OPA3: variants seen among roughly 807,000 people sequenced by gnomAD.
The protein encoded by OPA3 is outer mitochondrial membrane lipid metabolism regulator OPA3.
In OPA3, 6 loss-of-function variants were observed where a neutral mutation model predicts 4.0. The ratio of observed to expected loss-of-function variants is 1.51; its 90% CI spans 0.83 to 2.99. The LOEUF is 2.99. OPA3 is among the 30% of genes most tolerant of loss of function. The pLI is 0.00. For synonymous variants in OPA3, 105 were observed against 117.1 expected (o/e 0.90, Z 0.67); for missense variants, 235 against 256.2 (o/e 0.92, Z 0.56).
chr19:45,552,974 C>A lies in OPA3; in HGVS notation c.*540G>T, dbSNP rs149360920. The A allele has an allele frequency of 6.4e-4, 638 of 992,078 alleles. 1 individual carries two copies. In the African/African-American group the frequency reaches 7.8e-3, roughly 12 times the overall value. The allele number at this position is 992,078 out of a possible 1,614,324, so 61.5% of individuals were successfully genotyped here. Reference sequence around the variant, plus strand: ...TACAGGCGTGAGCCACCGCTCCCAGCCGCACCGTTTTTTTCCTCCTTAAGA... The same window carrying A: ...TACAGGCGTGAGCCACCGCTCCCAGACGCACCGTTTTTTTCCTCCTTAAGA... On this transcript the variant is annotated 3_prime_UTR_variant, in exon 2 of 2. Transcript: ENST00000263275.
At position 45,566,315 on chromosome 19, in the gene OPA3, A is replaced by G. The variant is rs555011491; in HGVS notation, c.143-12404T>C. Among the ~76,000 whole-genome samples the G allele has an allele frequency of 7.7e-4, 117 of 151,276 alleles. 1 individual carries two copies. The highest frequency in any genetic ancestry group is 2.7e-3 in the African/African-American group (113 of 41,160). The stretch of plus-strand genomic sequence containing the variant: ...CAGGCGCAGACCACTGTGCCCTGCT[A>G]ATTTTTGTATTTTTAGTAGAGTTAG... On this transcript the variant is annotated intron_variant, in intron 1 of 1. Coordinates refer to ENST00000263275, the MANE Select transcript of OPA3 (RefSeq NM_025136.4).
chr19:45,572,200 GAT>G (rs985190958), intron 1 of OPA3, among the ~76,000 whole-genome samples: 1 of 138,648 alleles, frequency 7.2e-6, no homozygotes, highest in Non-Finnish European at 1.6e-5. Context: ...ATATATATGA[GAT>G]ATATATATAT....
exon 2 of OPA3, chr19:45,528,237 G>A (rs1489192479): frequency 6.6e-6 from 1 of 152,370 alleles, no homozygotes. Flanking sequence ...GTCAAGACCG[G>A]TTTTTCCTCC....
chr19:45,583,650 C>T (rs1005420603), intron 1 of OPA3, among the ~76,000 whole-genome samples: 22 of 151,952 alleles, frequency 1.4e-4, no homozygotes, highest in Admixed American at 1.2e-3. Context: ...TACAGGTGTG[C>T]GCCACCACAC....
intron 1 of OPA3, among the ~76,000 whole-genome samples, chr19:45,530,359 A>T (rs1969045900): frequency 6.6e-6 from 1 of 152,152 alleles, no homozygotes; most frequent in Non-Finnish European, 1.5e-5. Flanking sequence ...ATCTCAAAAA[A>T]AAAATAAAAT....
chr19:45,552,996 A>G lies in OPA3; in HGVS notation c.*518T>C. 5 of 999,808 alleles carry G rather than the reference A, an allele frequency of 5.0e-6. No homozygotes were observed. Among genetic ancestry groups the G allele is most frequent in the Non-Finnish European group, 4.8e-6 (4 of 838,776 alleles). 61.9% of individuals were successfully genotyped at this position (999,808 alleles called of 1,614,324 possible). On this transcript the variant is annotated 3_prime_UTR_variant, in exon 2 of 2. Transcript: ENST00000263275. ...CAGCCGCACCGTTTTTTTCCTCCTTAAGAGAGCACTGATGCTCAGCTAGAG... is the reference window on the plus strand; with the variant it reads ...CAGCCGCACCGTTTTTTTCCTCCTTGAGAGAGCACTGATGCTCAGCTAGAG...
At chr19:45,545,186 AC>A (rs1201945134), downstream of OPA3, among the ~76,000 whole-genome samples, 219 of 149,186 alleles carry the variant, frequency 1.5e-3, 21 homozygotes, top group South Asian at 4.3e-3. Flanking sequence ...AAACAAAAAA[AC>A]AAAAAATAGG....
intron 1 of OPA3, 68 bp downstream of exon 1, chr19:45,584,555 C>A (rs1969903826): frequency 6.2e-7 from 1 of 1,612,772 alleles, no homozygotes; most frequent in African/African-American, 1.3e-5. Context: ...GAAGTCCATC[C>A]CCTAAGCAAC....
chr19:45,534,831 CTA>C (rs1969099339), intron 1 of OPA3, among the ~76,000 whole-genome samples: 1 of 151,952 alleles, frequency 6.6e-6, no homozygotes, highest in South Asian at 2.1e-4. Flanking sequence ...CGGGGTTTCA[CTA>C]TGTTGGTCAG....
In OPA3 at chr19:45,533,841, C is replaced by T. The variant is rs767176048; in HGVS notation, c.143-4385G>A. On this transcript the variant is annotated intron_variant, in intron 1 of 1. Transcript: ENST00000323060. ...CCTGGGCAGGCTCCATGCTTCTCCC[C>T]GAAAGAAGGCACCATAGCCACCATT... Among the ~76,000 whole-genome samples, 111 of 152,316 alleles carry T rather than the reference C, an allele frequency of 7.3e-4. 2 individuals are homozygous for T. The highest frequency in any genetic ancestry group is 1.4e-3 in the Admixed American group (22 of 15,296).
chr19:45,558,790 T>C (rs561628881), intron 1 of OPA3, among the ~76,000 whole-genome samples: 74 of 152,028 alleles, frequency 4.9e-4, no homozygotes, highest in African/African-American at 1.6e-3. Flanking sequence ...AGTGGCATGA[T>C]CTCCGCTCTG....
chr19:45,535,849 T>C (rs906491682), intron 1 of OPA3, among the ~76,000 whole-genome samples: 2 of 150,990 alleles, frequency 1.3e-5, no homozygotes, highest in African/African-American at 2.4e-5. Flanking sequence ...ACTATAGCCT[T>C]GATCTCCTGA....
rs1395391033 is a variant in OPA3 at position 45,568,975 on chromosome 19, C to T, written c.143-15064G>A. On this transcript the variant is annotated intron_variant, in intron 1 of 1. Transcript: ENST00000263275. ...CTGAGTCATGCCTCTTAGAACAGTTCCTGGCACACAGCAGGCACTAAATAA... is the reference window on the plus strand; with the variant it reads ...CTGAGTCATGCCTCTTAGAACAGTTTCTGGCACACAGCAGGCACTAAATAA... 1.3e-5 allele frequency among the ~76,000 whole-genome samples: 2 copies of T among 152,112 alleles called. 1 individual carries two copies. Among genetic ancestry groups the T allele is most frequent in the East Asian group, 3.8e-4 (2 of 5,200 alleles).
chr19:45,529,575 G>T, intron 1 of OPA3: 1 of 1,292,856 alleles, frequency 7.7e-7, no homozygotes, highest in Non-Finnish European at 1.1e-6. Flanking sequence ...AATCGGACGC[G>T]TGCTGGCGGG....
At chr19:45,544,112 C>T (rs912451277), downstream of OPA3, among the ~76,000 whole-genome samples, 1 of 152,210 alleles carries the variant, frequency 6.6e-6, no homozygotes, top group Non-Finnish European at 1.5e-5. Flanking sequence ...CTTGCCCAAG[C>T]TCATCCAACT....
chr19:45,548,847 A>C lies in OPA3; in HGVS notation c.*4667T>G, dbSNP rs1306714992. On this transcript the variant is annotated 3_prime_UTR_variant, in exon 2 of 2. Coordinates refer to ENST00000263275, the MANE Select transcript of OPA3 (RefSeq NM_025136.4). Reference sequence around the variant, plus strand: ...GAGATGAAGTCTCGCTCTGTCACCCAGGCTGGAGTATAATGGCATGATCTC... The same window carrying C: ...GAGATGAAGTCTCGCTCTGTCACCCCGGCTGGAGTATAATGGCATGATCTC... 3.2e-6 allele frequency: 2 copies of C among 615,706 alleles called. No homozygotes were observed. The highest frequency in any genetic ancestry group is 4.0e-5 in the African/African-American group (2 of 49,408). The allele number at this position is 615,706 out of a possible 1,614,324, so 38.1% of individuals were successfully genotyped here.
rs1179604281 is a variant in OPA3 at position 45,552,768 on chromosome 19, T to C, written c.*746A>G. 2 of 153,496 alleles carry C rather than the reference T, an allele frequency of 1.3e-5. No individual in the cohort carries two copies. The highest frequency in any genetic ancestry group is 6.6e-5 in the Admixed American group (1 of 15,144). 9.5% of individuals were successfully genotyped at this position (153,496 alleles called of 1,614,324 possible). The stretch of plus-strand genomic sequence containing the variant: ...TTGGCTCACCGCAACCTCCACCTCA[T>C]GGGTTCAAGCAATTCTCCTGCCTCA... On this transcript the variant is annotated 3_prime_UTR_variant, in exon 2 of 2. Coordinates refer to ENST00000263275, the MANE Select transcript of OPA3 (RefSeq NM_025136.4).
chr19:45,560,568 G>T (rs1969488025), intron 1 of OPA3, among the ~76,000 whole-genome samples: 1 of 151,878 alleles, frequency 6.6e-6, no homozygotes, highest in South Asian at 2.1e-4. Context: ...ACTGTGCATT[G>T]CCCCTCCTCC....
chr19:45,570,702 A>C lies in OPA3; in HGVS notation c.142+13921T>G, dbSNP rs959136498. Among the ~76,000 whole-genome samples the C allele has an allele frequency of 2.0e-5, 3 of 150,870 alleles. No homozygotes were observed. In the East Asian group the frequency reaches 5.9e-4, roughly 29 times the overall value. ...ACTCCATCTTGGGGAAAAAAACAAA[A>C]ACAAAACAAAATTAGCCGGGTGTGG... On this transcript the variant is annotated intron_variant, in intron 1 of 1. Coordinates refer to ENST00000263275, the MANE Select transcript of OPA3 (RefSeq NM_025136.4).
Sources: gnomAD v4.1 joint callset for allele counts (sites outside exome capture counted in the v4.1 genomes callset) on GRCh38, gnomAD v4.1.1 for gene constraint, MANE v1.5 for transcripts, NCBI Gene and HGNC (gene_info 2026-07-23, HGNC 2026-07-21) for gene names.